MAB21L3: variants seen among roughly 807,000 people sequenced by gnomAD.
MAB21L3 encodes protein mab-21-like 3.
A neutral mutation model predicts 37.7 loss-of-function variants in MAB21L3; 36 were observed. That is an observed-to-expected ratio of 0.96 (90% CI 0.73 to 1.26). The LOEUF is 1.26. Among genes scored for constraint, MAB21L3 ranks in the 50% most tolerant of loss-of-function variants. MAB21L3 has a pLI of 0.00. For missense variants in MAB21L3, 430 were observed against 447.3 expected (o/e 0.96, Z 0.35); for synonymous variants, 186 against 176.8 (o/e 1.05, Z -0.41).
At chr1:116,112,764 C>T (rs1177288034) in intron 3 of MAB21L3, 101 bp downstream of exon 3, 5 of 1,118,766 alleles carry the variant, frequency 4.5e-6, no homozygotes, top group Non-Finnish European at 5.3e-6. Flanking sequence ...TCTAAAGACA[C>T]ATAAAATGCT....
rs1660119036 is a variant in MAB21L3 at position 116,133,177 on chromosome 1, T to C, written c.901T>C (p.Trp301Arg). 2 of 1,614,114 alleles carry C rather than the reference T, an allele frequency of 1.2e-6. No individual in the cohort carries two copies. Among genetic ancestry groups the C allele is most frequent in the South Asian group, 1.1e-5 (1 of 91,090 alleles). Residue 301 changes from tryptophan to arginine, a missense_variant, in exon 8 of 8, where the codon TGG becomes CGG. By Grantham distance (101) the Trp-to-Arg change is moderately radical. Transcript: ENST00000369500. ...TCEKYPHFKD[W>R]QVFSKAFLRL... is the part of the protein sequence containing the mutation. ...CGAGAAATATCCCCACTTTAAAGAC[T>C]GGCAGGTCTTCAGCAAAGCATTTCT...
intron 5 of MAB21L3, among the ~76,000 whole-genome samples, chr1:116,126,983 T>C (rs990255208): frequency 6.6e-6 from 1 of 152,200 alleles, no homozygotes; most frequent in Non-Finnish European, 1.5e-5. Context: ...CTGAGCACTT[T>C]TAAGGTAGGG....
At chr1:116,132,718 C>G (rs1333841035) in intron 7 of MAB21L3, among the ~76,000 whole-genome samples, 1 of 152,116 alleles carries the variant, frequency 6.6e-6, no homozygotes, top group Non-Finnish European at 1.5e-5. Flanking sequence ...CAGTCATATA[C>G]AGTTCCTGGA....
chr1:116,115,118 C>T (rs1659551982), intron 3 of MAB21L3, among the ~76,000 whole-genome samples: 1 of 152,120 alleles, frequency 6.6e-6, no homozygotes, highest in Admixed American at 6.6e-5. Flanking sequence ...CTTTGGTTTC[C>T]TCATCTATAA....
intron 5 of MAB21L3, among the ~76,000 whole-genome samples, chr1:116,125,233 A>G (rs1229016568): frequency 6.6e-6 from 1 of 152,202 alleles, no homozygotes; most frequent in Non-Finnish European, 1.5e-5. Context: ...TTGTTATTAG[A>G]AGTGTAAATT....
rs1195820297 is a variant in MAB21L3 at position 116,137,675 on chromosome 1, C to T, written c.*4310C>T. Reference sequence around the variant, plus strand: ...ATGCTGCTATAAAGACACATGCACACGTATGTTTATTGCGGCATTATTCAC... The same window carrying T: ...ATGCTGCTATAAAGACACATGCACATGTATGTTTATTGCGGCATTATTCAC... On this transcript the variant is annotated 3_prime_UTR_variant, in exon 8 of 8. Coordinates refer to ENST00000369500, the MANE Select transcript of MAB21L3 (RefSeq NM_152367.3). Among the ~76,000 whole-genome samples, 2 of 151,498 alleles carry T rather than the reference C, an allele frequency of 1.3e-5. No individual in the cohort carries two copies. Among genetic ancestry groups the T allele is most frequent in the African/African-American group, 4.9e-5 (2 of 40,992 alleles).
chr1:116,124,116 C>T lies in MAB21L3; in HGVS notation c.240C>T (p.Ala80=), dbSNP rs1458035578. Reference sequence around the variant, plus strand: ...TCACAGTCCCAATAAAAGGCCTGGCCGGGTACAGGGAGGCCAGGGAGCAGC... The same window carrying T: ...TCACAGTCCCAATAAAAGGCCTGGCTGGGTACAGGGAGGCCAGGGAGCAGC... ...FLVTVPIKGL[A]GYREAREQHW... is the part of the protein sequence containing the mutation. The change falls in exon 5 of 8, where the codon GCC becomes GCT. Residue 80 remains alanine, a synonymous_variant. Transcript: ENST00000369500. The T allele has an allele frequency of 6.2e-6, 10 of 1,613,546 alleles. No homozygotes were observed. The highest frequency in any genetic ancestry group is 2.2e-5 in the South Asian group (2 of 91,042).
Position 116,137,910 on chromosome 1 carries a change from G to T in MAB21L3, c.*4545G>T, listed in dbSNP as rs1291784696. 1.4e-5 allele frequency among the ~76,000 whole-genome samples: 2 copies of T among 146,660 alleles called. No homozygotes were observed. The highest frequency in any genetic ancestry group is 5.1e-5 in the African/African-American group (2 of 39,318). ...ACACTGCATATTCTCACTCATAGGTGGGAATTGAACAATGAGAACACATGG... is the reference window on the plus strand; with the variant it reads ...ACACTGCATATTCTCACTCATAGGTTGGAATTGAACAATGAGAACACATGG... On this transcript the variant is annotated 3_prime_UTR_variant, in exon 8 of 8. Coordinates refer to ENST00000369500, the MANE Select transcript of MAB21L3 (RefSeq NM_152367.3).
At chr1:116,124,866 T>G (rs924415896) in intron 5 of MAB21L3, among the ~76,000 whole-genome samples, 2 of 116,312 alleles carry the variant, frequency 1.7e-5, no homozygotes, top group Non-Finnish European at 3.4e-5. Context: ...GTACAGCATA[T>G]GCATACACAC....
At chr1:116,120,518 A>G (rs1202618185) in intron 3 of MAB21L3, among the ~76,000 whole-genome samples, 1 of 150,982 alleles carries the variant, frequency 6.6e-6, no homozygotes, top group East Asian at 1.9e-4. Flanking sequence ...ATCAGATATG[A>G]CACTATATAT....
chr1:116,132,587 G>A (rs962035314), intron 7 of MAB21L3, among the ~76,000 whole-genome samples: 1 of 152,154 alleles, frequency 6.6e-6, no homozygotes, highest in African/African-American at 2.4e-5. Context: ...ACAAATAATA[G>A]AGCCGACTCT....
chr1:116,121,183 C>T, intron 4 of MAB21L3, 111 bp downstream of exon 4: 2 of 1,101,604 alleles, frequency 1.8e-6, no homozygotes, highest in Non-Finnish European at 2.6e-6. Context: ...CATAACAATT[C>T]TTGTTTTCAT....
intron 4 of MAB21L3, among the ~76,000 whole-genome samples, chr1:116,123,233 G>A (rs763713737): frequency 1.2e-4 from 19 of 152,270 alleles, no homozygotes; most frequent in Admixed American, 2.6e-4. Flanking sequence ...TCCCCCAGTC[G>A]TTGCTTCACT....
intron 3 of MAB21L3, among the ~76,000 whole-genome samples, chr1:116,116,101 C>T (rs1659578920): frequency 6.6e-6 from 1 of 152,168 alleles, no homozygotes; most frequent in Non-Finnish European, 1.5e-5. Flanking sequence ...CTGCCCCAAC[C>T]CCACTGCCTG....
chr1:116,112,191 T>G (rs1205895752), intron 2 of MAB21L3, among the ~76,000 whole-genome samples: 2 of 152,062 alleles, frequency 1.3e-5, no homozygotes, highest in African/African-American at 2.4e-5. Context: ...CATCTAGTGT[T>G]GGGACAGGAG....
intron 7 of MAB21L3, among the ~76,000 whole-genome samples, chr1:116,130,897 A>C (rs974277285): frequency 1.2e-4 from 19 of 152,222 alleles, no homozygotes; most frequent in Admixed American, 3.9e-4. Context: ...GCTTGCATGA[A>C]ATTATCTCTA....
At chr1:116,124,558 A>G (rs1659846493) in intron 5 of MAB21L3, among the ~76,000 whole-genome samples, 1 of 152,238 alleles carries the variant, frequency 6.6e-6, no homozygotes, top group South Asian at 2.1e-4. Context: ...ATTCATACTA[A>G]CAAAATAGTC....
At chr1:116,126,474 CTGA>C (rs1347970686) in intron 5 of MAB21L3, among the ~76,000 whole-genome samples, 1 of 152,116 alleles carries the variant, frequency 6.6e-6, no homozygotes, top group Non-Finnish European at 1.5e-5. Context: ...ACAGGGGTTT[CTGA>C]TGATAGATAC....
intron 3 of MAB21L3, among the ~76,000 whole-genome samples, chr1:116,118,691 A>T (rs1345733166): frequency 1.3e-5 from 2 of 152,204 alleles, no homozygotes; most frequent in Non-Finnish European, 2.9e-5. Flanking sequence ...CACAGGAACA[A>T]TTGCACAGGC....
Sources: gnomAD v4.1 joint callset for allele counts (sites outside exome capture counted in the v4.1 genomes callset) on GRCh38, gnomAD v4.1.1 for gene constraint, MANE v1.5 for transcripts, NCBI Gene and HGNC (gene_info 2026-07-23, HGNC 2026-07-21) for gene names.